KCNAB1: variants seen among roughly 807,000 people sequenced by gnomAD.
The protein encoded by KCNAB1 is potassium voltage-gated channel subfamily A regulatory beta subunit 1.
In KCNAB1, 35 loss-of-function variants were observed where a neutral mutation model predicts 64.6. The ratio of observed to expected loss-of-function variants is 0.54; its 90% CI spans 0.41 to 0.72. The LOEUF (loss-of-function observed/expected upper bound fraction) is 0.72, where lower values mean the gene tolerates loss of function less well. Ranked by LOEUF, KCNAB1 falls within the 30% of genes least tolerant of loss-of-function variation. KCNAB1 has a pLI of 0.00. For synonymous variants in KCNAB1, 177 were observed against 183.8 expected (o/e 0.96, Z 0.30); for missense variants, 401 against 512.9 (o/e 0.78, Z 2.11).
intron 1 of KCNAB1, among the ~76,000 whole-genome samples, chr3:156,338,652 G>T (rs1293633021): frequency 6.6e-6 from 1 of 152,160 alleles, no homozygotes; most frequent in Non-Finnish European, 1.5e-5. Context: ...GCATCCCAGA[G>T]TGTGGTAAAT....
chr3:156,368,356 C>A (rs1038019261), intron 1 of KCNAB1, among the ~76,000 whole-genome samples: 3 of 152,136 alleles, frequency 2.0e-5, no homozygotes, highest in Non-Finnish European at 4.4e-5. Context: ...ACCTGGTGAT[C>A]CGTTCAAAGG....
At position 156,243,264 on chromosome 3, in the gene KCNAB1, G is replaced by A. The variant is rs193238666; in HGVS notation, c.275+122378G>A. On this transcript the variant is annotated intron_variant, in intron 1 of 13. Transcript: ENST00000490337. ...TTTTCAGACAAAATCTCCCTCTGTC[G>A]CCCAGGCTGGAGTGCAGTGGCACAA... is the stretch of plus-strand genomic sequence containing the variant. Among the ~76,000 whole-genome samples, 378 of 147,834 alleles carry A rather than the reference G, an allele frequency of 2.6e-3. 2 individuals are homozygous for A. The highest frequency in any genetic ancestry group is 8.6e-3 in the African/African-American group (342 of 39,940).
chr3:156,233,234 C>T (rs940714755), intron 1 of KCNAB1, among the ~76,000 whole-genome samples: 7 of 152,010 alleles, frequency 4.6e-5, no homozygotes, highest in Non-Finnish European at 8.8e-5. Context: ...AAATATGTAA[C>T]ATATTAGATA....
At chr3:156,157,880 G>A (rs868403613) in intron 1 of KCNAB1, among the ~76,000 whole-genome samples, 3 of 152,126 alleles carry the variant, frequency 2.0e-5, no homozygotes, top group Non-Finnish European at 1.5e-5. Context: ...AAATGCATGT[G>A]TATTACTATA....
intron 4 of KCNAB1, among the ~76,000 whole-genome samples, chr3:156,458,731 C>G (rs1712649619): frequency 6.6e-6 from 1 of 152,138 alleles, no homozygotes; most frequent in Non-Finnish European, 1.5e-5. Flanking sequence ...CTGCTTAGTA[C>G]CAAATGGCAC....
intron 1 of KCNAB1, among the ~76,000 whole-genome samples, chr3:156,163,440 T>A (rs115662662): frequency 6.6e-6 from 1 of 152,302 alleles, no homozygotes; most frequent in African/African-American, 2.4e-5. Flanking sequence ...TGTTACCCAA[T>A]GTCAACCTCA....
chr3:156,206,748 G>A (rs1284457365), intron 1 of KCNAB1, among the ~76,000 whole-genome samples: 2 of 152,200 alleles, frequency 1.3e-5, no homozygotes, highest in Non-Finnish European at 2.9e-5. Flanking sequence ...GGGAAGGAAG[G>A]AGACTTGTAG....
At chr3:156,147,940 G>GACACACACACAC (rs6148150) in intron 1 of KCNAB1, among the ~76,000 whole-genome samples, 2,278 of 146,106 alleles carry the variant, frequency 0.016, 72 homozygotes, top group African/African-American at 0.055. Context: ...CACATGCCAA[G>GACACACACACAC]ACACACACAC....
intron 1 of KCNAB1, among the ~76,000 whole-genome samples, chr3:156,270,541 A>G (rs1560167509): frequency 6.6e-6 from 1 of 152,158 alleles, no homozygotes; most frequent in African/African-American, 2.4e-5. Flanking sequence ...TTTAACTTCG[A>G]TTGTATAAAC....
chr3:156,309,161 T>G (rs1211716732), intron 1 of KCNAB1, among the ~76,000 whole-genome samples: 1 of 152,230 alleles, frequency 6.6e-6, no homozygotes, highest in African/African-American at 2.4e-5. Flanking sequence ...CATACTGAGT[T>G]GTAAATAATA....
rs576058331 is a variant in KCNAB1 at position 156,512,674 on chromosome 3, G to A, written c.659-1690G>A. ...TTCTGGAACTGTTTATCATAGGCAC[G>A]CATCTCCATTTGTATAATGAAAGAG... On this transcript the variant is annotated intron_variant, in intron 8 of 13. Transcript: ENST00000490337. 7.9e-5 allele frequency among the ~76,000 whole-genome samples: 12 copies of A among 152,302 alleles called. No homozygotes were observed. The South Asian group carries it at 8.3e-4, about 11-fold the overall frequency.
intron 1 of KCNAB1, among the ~76,000 whole-genome samples, chr3:156,179,299 A>G (rs902828341): frequency 2.6e-5 from 4 of 152,112 alleles, no homozygotes; most frequent in African/African-American, 9.7e-5. Context: ...ACTACTTCTG[A>G]AAAATATTAT....
At chr3:156,418,955 T>A (rs898019612) in intron 1 of KCNAB1, among the ~76,000 whole-genome samples, 1 of 152,214 alleles carries the variant, frequency 6.6e-6, no homozygotes, top group Non-Finnish European at 1.5e-5. Flanking sequence ...TAAAATCTTG[T>A]AAGGCTTTCA....
At chr3:156,427,390 G>A (rs149806101) in intron 2 of KCNAB1, among the ~76,000 whole-genome samples, 2 of 152,210 alleles carry the variant, frequency 1.3e-5, no homozygotes, top group African/African-American at 2.4e-5. Flanking sequence ...AGACTGAGGT[G>A]TTTGGACAGG....
At chr3:156,390,099 G>A (rs1028084020) in intron 1 of KCNAB1, among the ~76,000 whole-genome samples, 3 of 152,172 alleles carry the variant, frequency 2.0e-5, no homozygotes, top group African/African-American at 7.2e-5. Flanking sequence ...GGGGGAACTG[G>A]GCACTTGCAT....
intron 1 of KCNAB1, among the ~76,000 whole-genome samples, chr3:156,349,037 G>A (rs760681763): frequency 5.9e-5 from 9 of 152,258 alleles, no homozygotes; most frequent in African/African-American, 1.9e-4. Context: ...CTGGTGTTTC[G>A]CAGCAGGAGC....
At chr3:156,459,789 A>C in intron 4 of KCNAB1, 38 bp from the exon 5 acceptor site, 1 of 1,511,232 alleles carries the variant, frequency 6.6e-7, no homozygotes. Context: ...CTTTTCCAGG[A>C]CACTGCATTC....
chr3:156,410,193 T>C (rs948560924), intron 1 of KCNAB1, among the ~76,000 whole-genome samples: 2 of 152,246 alleles, frequency 1.3e-5, no homozygotes, highest in African/African-American at 4.8e-5. Context: ...GTTCAAGGCT[T>C]CCTTACTGCA....
At chr3:156,487,304 C>T (rs1715286487) in intron 8 of KCNAB1, among the ~76,000 whole-genome samples, 3 of 152,228 alleles carry the variant, frequency 2.0e-5, no homozygotes, top group East Asian at 1.9e-4. Context: ...CCCACATACC[C>T]TCCTTGGGAA....
Sources: gnomAD v4.1 joint callset for allele counts (sites outside exome capture counted in the v4.1 genomes callset) on GRCh38, gnomAD v4.1.1 for gene constraint, MANE v1.5 for transcripts, NCBI Gene and HGNC (gene_info 2026-07-23, HGNC 2026-07-21) for gene names.